The following TTC16 variants were observed in gnomAD, a reference collection of about 807,000 sequenced individuals.
TTC16 encodes tetratricopeptide repeat domain 16, also known as tetratricopeptide repeat protein 16.
Under a neutral mutation model 80.4 loss-of-function variants are expected in TTC16, and 66 were observed. That is an observed-to-expected ratio of 0.82 (90% CI 0.67 to 1.01). The LOEUF (loss-of-function observed/expected upper bound fraction) is 1.01, where lower values mean the gene tolerates loss of function less well. Among genes scored for constraint, TTC16 ranks in the 50% least tolerant of loss-of-function variants. The pLI is 0.00. For synonymous variants in TTC16, 438 were observed against 451.3 expected (o/e 0.97, Z 0.37); for missense variants, 1,070 against 1,103.2 (o/e 0.97, Z 0.43).
In TTC16 at chr9:127,724,599, G is replaced by C. The variant is rs867071533; in HGVS notation, c.1118-157G>C. The C allele has an allele frequency of 1.5e-5, 18 of 1,166,726 alleles. No homozygotes were observed. In the African/African-American group the frequency reaches 2.0e-4, roughly 13 times the overall value. The allele number at this position is 1,166,726 out of a possible 1,614,324, so 72.3% of individuals were successfully genotyped here. On this transcript the variant is annotated intron_variant, in intron 8 of 13. Coordinates refer to ENST00000373289, the MANE Select transcript of TTC16 (RefSeq NM_144965.3). ...GCTCAAAACAGGCAGCTGGGGAACA[G>C]TGCCCAGACGCCCAGAAAACTAGAG...
intron 7 of TTC16, 72 bp from the exon 8 acceptor site, chr9:127,724,048 G>A: frequency 2.1e-6 from 3 of 1,460,498 alleles, no homozygotes; most frequent in Non-Finnish European, 1.8e-6. Flanking sequence ...GGCTTGTCTG[G>A]CCACTAGCCA....
Position 127,717,337 on chromosome 9 carries a change from C to T in TTC16, c.195C>T (p.Tyr65=), listed in dbSNP as rs760142378. 8.3e-5 allele frequency: 133 copies of T among 1,610,236 alleles called. No individual in the cohort carries two copies. In the South Asian group the frequency reaches 1.4e-3, roughly 17 times the overall value. ...LTVPLKVREY[Y]SRGQQCLEQA... The stretch of plus-strand genomic sequence containing the variant: ...CCTGTCCCCACTTTCCCCACAGCTA[C>T]TCCAGAGGCCAGCAGTGCTTGGAGC... The change falls in exon 3 of 14, where the codon TAC becomes TAT. Residue 65 remains tyrosine, a synonymous_variant. Transcript: ENST00000373289.
chr9:127,720,881 T>TCCCCTTTCTCCCTC (rs1157554792), intron 6 of TTC16, among the ~76,000 whole-genome samples: 43 of 1,842 alleles, frequency 0.023, 1 homozygote, highest in African/African-American at 0.085. Flanking sequence ...CCCTCCCCCT[T>TCCCCTTTCTCCCTC]CCCCTTCCTC....
At chr9:127,727,686 G>A in intron 12 of TTC16, 1 of 934,292 alleles carries the variant, frequency 1.1e-6, no homozygotes, top group Non-Finnish European at 1.5e-6. Context: ...GGCCCTCAGA[G>A]AGAGGAGTCA....
At chr9:127,725,301 A>C (rs1315452407) in intron 9 of TTC16, among the ~76,000 whole-genome samples, 1 of 151,346 alleles carries the variant, frequency 6.6e-6, no homozygotes, top group East Asian at 2.0e-4. Flanking sequence ...ACGGTGGCTC[A>C]CGCCTGTAAT....
intron 12 of TTC16, 116 bp downstream of exon 12, chr9:127,727,581 C>G: frequency 6.9e-7 from 1 of 1,445,544 alleles, no homozygotes; most frequent in South Asian, 1.4e-5. Flanking sequence ...TGGCTCTGCA[C>G]TCCCTCAGCT....
At chr9:127,725,336 G>C (rs964315352) in intron 9 of TTC16, among the ~76,000 whole-genome samples, 6 of 151,050 alleles carry the variant, frequency 4.0e-5, no homozygotes, top group Non-Finnish European at 8.9e-5. Context: ...AGGCCGAGGC[G>C]GGCGGATCAC....
chr9:127,726,461 A>G (rs1843968551), intron 10 of TTC16, 57 bp downstream of exon 10: 1 of 1,471,312 alleles, frequency 6.8e-7, no homozygotes, highest in Non-Finnish European at 9.1e-7. Flanking sequence ...GTGCATAAAG[A>G]TACTCCTCGG....
rs750565205 is a variant in TTC16, at chr9:127,722,743, G to A, written c.658-376G>A. On this transcript the variant is annotated intron_variant, in intron 6 of 13. Transcript: ENST00000373289. The surrounding 1 kb of genome is among the most constrained non-coding windows in gnomAD (Gnocchi z 4.2). ...GGCCAAGGTGGGCGGATCACCTAAG[G>A]TCAGGAGTTTGAGACCAGCCTGGCC... Among the ~76,000 whole-genome samples, 1 of 152,062 alleles carries A rather than the reference G, an allele frequency of 6.6e-6. No individual in the cohort carries two copies. Among genetic ancestry groups the A allele is most frequent in the Non-Finnish European group, 1.5e-5 (1 of 68,000 alleles).
At position 127,726,386 on chromosome 9, in the gene TTC16, C is replaced by G. The variant is rs746562978; in HGVS notation, c.1407C>G (p.Leu469=). 1 of 1,602,214 alleles carries G rather than the reference C, an allele frequency of 6.2e-7. No individual in the cohort carries two copies. Among genetic ancestry groups the G allele is most frequent in the Non-Finnish European group, 8.5e-7 (1 of 1,173,404 alleles). ...AGGATGTGGCCACTGTCCTGCTCCT[C>G]AACCCCAAGCAACCAAAGGTAGGTT... is the stretch of plus-strand genomic sequence containing the variant. ...ARQDVATVLL[L]NPKQPKLSLL... The change falls in exon 10 of 14, where the codon CTC becomes CTG. Residue 469 remains leucine (L), a synonymous_variant. Coordinates refer to ENST00000373289, the MANE Select transcript of TTC16 (RefSeq NM_144965.3).
chr9:127,724,904 G>A lies in TTC16; in HGVS notation c.1259+7G>A, dbSNP rs1252625106. The stretch of plus-strand genomic sequence containing the variant: ...TCTGCGAGCAGAGGCGCAAGTGCGT[G>A]GGCTCCCGCCCCCACGGTGGGCGGG... On this transcript the variant is annotated splice_region_variant and intron_variant, in intron 9 of 13. Transcript: ENST00000373289. 1 of 1,512,084 alleles carries A rather than the reference G, an allele frequency of 6.6e-7. No homozygotes were observed. The highest frequency in any genetic ancestry group is 8.8e-7 in the Non-Finnish European group (1 of 1,133,560). The allele number at this position is 1,512,084 out of a possible 1,614,324, so 93.7% of individuals were successfully genotyped here.
At chr9:127,721,256 G>A (rs545929699) in intron 6 of TTC16, among the ~76,000 whole-genome samples, 10 of 152,096 alleles carry the variant, frequency 6.6e-5, no homozygotes, top group South Asian at 2.1e-4. Context: ...GTGGGTCAGC[G>A]GGGAGGGCTG....
At chr9:127,724,079 G>A (rs960969460) in intron 7 of TTC16, 41 bp from the exon 8 acceptor site, 48 of 1,515,864 alleles carry the variant, frequency 3.2e-5, no homozygotes, top group East Asian at 4.8e-5. Context: ...GTGCACTGGC[G>A]CTCATGTCCC....
intron 9 of TTC16, among the ~76,000 whole-genome samples, chr9:127,725,777 T>G (rs1200302402): frequency 6.6e-6 from 1 of 151,702 alleles, no homozygotes; most frequent in Non-Finnish European, 1.5e-5. Flanking sequence ...TTTTTGTATT[T>G]TTAGTAGAGA....
At position 127,726,326 on chromosome 9, in the gene TTC16, C is replaced by T. The variant is rs201988703; in HGVS notation, c.1347C>T (p.Ser449=). Reference sequence around the variant, plus strand: ...AGTACTACCTGTACCGGGCCAAGAGCCGGCAGCTGCTGCAGAACATTTTTG... The same window carrying T: ...AGTACTACCTGTACCGGGCCAAGAGTCGGCAGCTGCTGCAGAACATTTTTG... The part of the protein sequence containing the change: ...KAQYYLYRAK[S]RQLLQNIFGA... The change falls in exon 10 of 14, where the codon AGC becomes AGT. Residue 449 remains serine, a synonymous_variant. Transcript: ENST00000373289. The T allele has an allele frequency of 3.1e-6, 5 of 1,612,326 alleles. No individual in the cohort carries two copies. Among genetic ancestry groups the T allele is most frequent in the Non-Finnish European group, 4.2e-6 (5 of 1,179,430 alleles).
At position 127,720,146 on chromosome 9, in the gene TTC16, C is replaced by G. The variant is rs764507859; in HGVS notation, c.495C>G (p.Leu165=). 2 of 1,613,774 alleles carry G rather than the reference C, an allele frequency of 1.2e-6. No homozygotes were observed. Among genetic ancestry groups the G allele is most frequent in the African/African-American group, 2.7e-5 (2 of 74,902 alleles). Residue 165 remains leucine (L), a synonymous_variant, in exon 5 of 14, where the codon CTC becomes CTG. Transcript: ENST00000373289. The stretch of plus-strand genomic sequence containing the variant: ...ATGTCTTCTCACATGCTGCTGAGCT[C>G]CAGCCTGAGAAACCATGCTTCCGTT... ...ALNVFSHAAE[L]QPEKPCFRYR... is the part of the protein sequence containing the mutation.
chr9:127,716,233 G>C (rs1366794095), intron 1 of TTC16, 70 bp downstream of exon 1: 1 of 1,610,422 alleles, frequency 6.2e-7, no homozygotes, highest in Non-Finnish European at 8.5e-7. Context: ...GGGTTCGCAG[G>C]AAAGGGTGAA....
Position 127,716,087 on chromosome 9 carries a change from C to A in TTC16, c.-59C>A. On this transcript the variant is annotated 5_prime_UTR_variant, in exon 1 of 14. Coordinates refer to ENST00000373289, the MANE Select transcript of TTC16 (RefSeq NM_144965.3). ...TCCTGGTGATGGTGCCTAGCAACGT[C>A]AGGGCCAGGGCCGCGAGGTAGTTGG... is the stretch of plus-strand genomic sequence containing the variant. 6.2e-7 allele frequency: 1 copy of A among 1,613,104 alleles called. No individual in the cohort carries two copies. The highest frequency in any genetic ancestry group is 8.5e-7 in the Non-Finnish European group (1 of 1,179,498).
At position 127,717,255 on chromosome 9, in the gene TTC16, C is replaced by G. The variant is rs778983080; in HGVS notation, c.192-79C>G. Reference sequence around the variant, plus strand: ...CTCCACCCAGCTCCCTTGCTTCCCACAACCCCCACCCCAGCCCTATGCCCT... The same window carrying G: ...CTCCACCCAGCTCCCTTGCTTCCCAGAACCCCCACCCCAGCCCTATGCCCT... On this transcript the variant is annotated intron_variant, in intron 2 of 13. Transcript: ENST00000373289. 5.5e-6 allele frequency: 8 copies of G among 1,458,498 alleles called. No homozygotes were observed. In the African/African-American group the frequency reaches 8.3e-5, roughly 15 times the overall value. The allele number at this position is 1,458,498 out of a possible 1,614,324, so 90.3% of individuals were successfully genotyped here.
Sources: allele counts gnomAD v4.1 joint callset (sites outside exome capture counted in the v4.1 genomes callset), GRCh38; gene constraint gnomAD v4.1.1; non-coding constraint Gnocchi (gnomAD v3.1); transcripts MANE v1.5; gene names NCBI Gene and HGNC (gene_info 2026-07-23, HGNC 2026-07-21).